GRM7: variants seen among roughly 807,000 people sequenced by gnomAD.
GRM7 encodes glutamate metabotropic receptor 7.
GRM7 carries 35 observed loss-of-function variants against 84.5 expected under a neutral mutation model. The observed-to-expected ratio is 0.41, with a 90% confidence interval of 0.32 to 0.55. GRM7 has a LOEUF of 0.55. GRM7 is among the 20% of genes least tolerant of loss of function. The pLI, the probability that GRM7 is intolerant of heterozygous loss-of-function variation, is 0.19. For synonymous variants in GRM7, 487 were observed against 455.1 expected, an observed-to-expected ratio of 1.07 and a Z score of -0.89; for missense variants, 1,003 against 1,194.6, an observed-to-expected ratio of 0.84 and a Z score of 2.36.
chr3:6,885,080 T>A (rs1695641479), intron 1 of GRM7, among the ~76,000 whole-genome samples: 1 of 152,194 alleles, frequency 6.6e-6, no homozygotes, highest in Non-Finnish European at 1.5e-5. Flanking sequence ...GATGAGAATT[T>A]AAGTGAAGGT....
intron 1 of GRM7, among the ~76,000 whole-genome samples, chr3:6,900,281 A>G (rs1696336911): frequency 6.6e-6 from 1 of 152,196 alleles, no homozygotes; most frequent in Non-Finnish European, 1.5e-5. Context: ...AAAGTGTTGC[A>G]GAAAAGCCAC....
At chr3:7,289,327 G>C (rs1158027849) in intron 2 of GRM7, among the ~76,000 whole-genome samples, 1 of 152,154 alleles carries the variant, frequency 6.6e-6, no homozygotes, top group Non-Finnish European at 1.5e-5. Flanking sequence ...AAAAGAACGT[G>C]ATGTTTCTTA....
chr3:7,190,146 C>A (rs565765807), intron 2 of GRM7, among the ~76,000 whole-genome samples: 3 of 152,074 alleles, frequency 2.0e-5, no homozygotes, highest in Admixed American at 1.3e-4. Context: ...GGTGATTATG[C>A]GCTAGTCAAG....
chr3:7,708,007 T>C (rs1387636757), intron 9 of GRM7, among the ~76,000 whole-genome samples: 1 of 150,998 alleles, frequency 6.6e-6, no homozygotes, highest in East Asian at 1.9e-4. Flanking sequence ...ACTCAGAGAC[T>C]GAATTTTGAG....
chr3:7,544,018 G>A (rs111817594), intron 7 of GRM7, among the ~76,000 whole-genome samples: 4 of 152,216 alleles, frequency 2.6e-5, no homozygotes, highest in Non-Finnish European at 5.9e-5. Context: ...TAAAGCTCTT[G>A]ATTGATTTCA....
At chr3:7,480,106 GAC>G (rs1395252451) in intron 7 of GRM7, among the ~76,000 whole-genome samples, 4 of 149,938 alleles carry the variant, frequency 2.7e-5, no homozygotes, top group Non-Finnish European at 5.9e-5. Flanking sequence ...GCTGTTGAGA[GAC>G]ACAGAAGAAG....
At chr3:7,408,320 G>C (rs1306740012) in intron 4 of GRM7, among the ~76,000 whole-genome samples, 1 of 152,166 alleles carries the variant, frequency 6.6e-6, no homozygotes, top group African/African-American at 2.4e-5. Context: ...GCCCTTTGGA[G>C]ACATTTTGTG....
chr3:7,184,249 T>C (rs181900013), intron 2 of GRM7, among the ~76,000 whole-genome samples: 243 of 152,234 alleles, frequency 1.6e-3, no homozygotes, highest in Middle Eastern at 0.01. Context: ...TCCGAAAAAG[T>C]AAAAATTTGT....
intron 2 of GRM7, among the ~76,000 whole-genome samples, chr3:7,160,822 A>T (rs1332218083): frequency 6.6e-6 from 1 of 152,068 alleles, no homozygotes; most frequent in Admixed American, 6.6e-5. Flanking sequence ...CCTCTTTCAG[A>T]ATAATCATTT....
At chr3:7,308,410 T>G (rs757478008) in intron 4 of GRM7, among the ~76,000 whole-genome samples, 21 of 152,166 alleles carry the variant, frequency 1.4e-4, no homozygotes, top group Non-Finnish European at 2.2e-4. Context: ...GAAATATCCC[T>G]ATTATGCACC....
chr3:7,328,519 T>C (rs1701071420), intron 4 of GRM7, among the ~76,000 whole-genome samples: 1 of 152,140 alleles, frequency 6.6e-6, no homozygotes, highest in South Asian at 2.1e-4. Context: ...ACCTTACTGG[T>C]AGATGTGATA....
At chr3:6,929,826 GGT>G (rs1244270136) in intron 1 of GRM7, among the ~76,000 whole-genome samples, 2 of 152,204 alleles carry the variant, frequency 1.3e-5, no homozygotes, top group Non-Finnish European at 2.9e-5. Context: ...ACACTGTCCA[GGT>G]GCTGTCAGAA....
chr3:7,385,755 C>T (rs771718512), intron 4 of GRM7, among the ~76,000 whole-genome samples: 2 of 152,124 alleles, frequency 1.3e-5, no homozygotes, highest in Non-Finnish European at 2.9e-5. Context: ...AAATGCATTG[C>T]AAGACATGAA....
chr3:7,471,699 A>G (rs539418028), intron 7 of GRM7, among the ~76,000 whole-genome samples: 178 of 152,310 alleles, frequency 1.2e-3, no homozygotes, highest in African/African-American at 4.2e-3. Context: ...TTCCAACTGC[A>G]AAGTCCCTTT....
At chr3:7,552,759 G>A (rs1282719124) in intron 7 of GRM7, among the ~76,000 whole-genome samples, 1 of 152,178 alleles carries the variant, frequency 6.6e-6, no homozygotes, top group East Asian at 1.9e-4. Context: ...CGAGGCCCGG[G>A]GCCTAGCCCA....
chr3:7,582,525 G>A (rs1469244248), intron 8 of GRM7, among the ~76,000 whole-genome samples: 2 of 152,104 alleles, frequency 1.3e-5, no homozygotes, highest in Non-Finnish European at 2.9e-5. Context: ...AGGACCGTGA[G>A]AAGAGGAAAA....
chr3:7,000,049 G>A (rs1015083641), intron 1 of GRM7, among the ~76,000 whole-genome samples: 2 of 151,928 alleles, frequency 1.3e-5, no homozygotes, highest in African/African-American at 4.8e-5. Flanking sequence ...TATGCTGTAT[G>A]AATATAACAC....
chr3:7,065,014 T>C (rs181442153), intron 1 of GRM7, among the ~76,000 whole-genome samples: 51 of 152,122 alleles, frequency 3.4e-4, no homozygotes, highest in Admixed American at 9.2e-4. Context: ...TTCATGTCCT[T>C]AGCCCACTTT....
chr3:7,359,113 A>G (rs1241202796), intron 4 of GRM7, among the ~76,000 whole-genome samples: 2 of 123,472 alleles, frequency 1.6e-5, no homozygotes, highest in Non-Finnish European at 3.2e-5. Context: ...TTCCATCTCA[A>G]AAAAAAAAAA....
Sources: gnomAD v4.1 joint callset for allele counts (sites outside exome capture counted in the v4.1 genomes callset) on GRCh38, gnomAD v4.1.1 for gene constraint, MANE v1.5 for transcripts, NCBI Gene and HGNC (gene_info 2026-07-23, HGNC 2026-07-21) for gene names.